The following FAAP20 variants were observed in gnomAD, a reference collection of about 807,000 sequenced individuals.
The protein encoded by FAAP20 is FA core complex associated protein 20, also known as Fanconi anemia core complex-associated protein 20.
FAAP20 carries 12 observed loss-of-function variants against 16.2 expected under a neutral mutation model. The observed-to-expected ratio is 0.74, with a 90% CI of 0.48 to 1.20. The LOEUF is 1.20. Ranked by LOEUF, FAAP20 falls within the 50% of genes most tolerant of loss-of-function variation. The probability of loss-of-function intolerance (pLI) is 0.00; values close to 1 mark genes in which losing one functional copy is unlikely to be tolerated. For synonymous variants in FAAP20, 141 were observed against 110.7 expected (o/e 1.27, Z -1.72); for missense variants, 288 against 245.8 (o/e 1.17, Z -1.15).
chr1:2,186,223 C>T (rs769503963), downstream of FAAP20: 13 of 312,644 alleles, frequency 4.2e-5, no homozygotes, highest in African/African-American at 2.0e-4. Context: ...ACTCAGGGGC[C>T]GCTCCACCCC....
chr1:2,202,850 C>T (rs1271961950), upstream of FAAP20, among the ~76,000 whole-genome samples: 1 of 152,208 alleles, frequency 6.6e-6, no homozygotes, highest in Non-Finnish European at 1.5e-5. Flanking sequence ...CTCCTGGCCT[C>T]AAGCAATCCT....
chr1:2,201,850 T>C (rs1284358781), upstream of FAAP20, among the ~76,000 whole-genome samples: 1 of 151,542 alleles, frequency 6.6e-6, no homozygotes, highest in Non-Finnish European at 1.5e-5. Flanking sequence ...ACCCTGTTTC[T>C]ACTAAAAATA....
chr1:2,188,129 T>C (rs1041950549), downstream of FAAP20, among the ~76,000 whole-genome samples: 2 of 152,136 alleles, frequency 1.3e-5, no homozygotes, highest in African/African-American at 4.8e-5. Flanking sequence ...CCCAGATCTG[T>C]TCCCTCAGCC....
At chr1:2,208,002 G>A (rs1473766163), downstream of FAAP20, among the ~76,000 whole-genome samples, 12 of 152,140 alleles carry the variant, frequency 7.9e-5, no homozygotes, top group Admixed American at 5.2e-4. Context: ...GTGTGTGCCC[G>A]CGTGCCTGCA....
chr1:2,202,061 C>A (rs1033943696), upstream of FAAP20, among the ~76,000 whole-genome samples: 4 of 151,800 alleles, frequency 2.6e-5, no homozygotes, highest in Non-Finnish European at 4.4e-5. Context: ...GAAAAAGTGG[C>A]CTGAAAGTTA....
downstream of FAAP20, chr1:2,185,232 G>T (rs1687402109): frequency 1.4e-6 from 1 of 709,164 alleles, no homozygotes; most frequent in Non-Finnish European, 2.6e-6. Context: ...ACTTGCTGCT[G>T]TGCCTGCGTC....
downstream of FAAP20, chr1:2,186,291 T>TGCCGC: frequency 4.0e-6 from 1 of 250,584 alleles, no homozygotes; most frequent in Non-Finnish European, 8.3e-6. Context: ...AGGAGGTCTG[T>TGCCGC]GCCGCGCCTT....
chr1:2,195,980 G>T (rs2100712914), upstream of FAAP20, among the ~76,000 whole-genome samples: 1 of 152,298 alleles, frequency 6.6e-6, no homozygotes, highest in South Asian at 2.1e-4. Flanking sequence ...GGGGCCTGGG[G>T]GAGCTGCTGC....
At position 2,205,938 on chromosome 1, in the gene FAAP20, T is replaced by C. The variant is rs114899272; in HGVS notation, n.451+367A>G. Among the ~76,000 whole-genome samples the C allele has an allele frequency of 9.7e-3, 1,485 of 152,374 alleles. 17 individuals are homozygous for C. Among genetic ancestry groups the C allele is most frequent in the African/African-American group, 0.034 (1,412 of 41,584 alleles). ...AAGCCTTAAAAGGTCTTCATTCCTTTTCGGTCTGATCTGAGAGCCGAGCTC... is the reference window on the plus strand; with the variant it reads ...AAGCCTTAAAAGGTCTTCATTCCTTCTCGGTCTGATCTGAGAGCCGAGCTC... On this transcript the variant is annotated intron_variant and non_coding_transcript_variant, in intron 3 of 7. Coordinates refer to the FAAP20 transcript ENST00000469733.
upstream of FAAP20, among the ~76,000 whole-genome samples, chr1:2,196,433 C>A (rs1367336920): frequency 6.6e-6 from 1 of 151,746 alleles, no homozygotes; most frequent in Non-Finnish European, 1.5e-5. This position sits in a 1 kb window ranked among gnomAD's most constrained non-coding sequence, Gnocchi z 4.5. Context: ...TGGCATGTGC[C>A]TGTGGTCCCA....
At chr1:2,197,708 C>G (rs1244947650), upstream of FAAP20, among the ~76,000 whole-genome samples, 1 of 152,246 alleles carries the variant, frequency 6.6e-6, no homozygotes, top group Non-Finnish European at 1.5e-5. Context: ...GGGGCTCTTC[C>G]CCTCCAGTTT....
At chr1:2,185,148 C>T (rs1045105705), downstream of FAAP20, 11 of 831,226 alleles carry the variant, frequency 1.3e-5, no homozygotes, top group Admixed American at 1.9e-4. Flanking sequence ...CAGAGGGAAG[C>T]GTCAGCGGGC....
chr1:2,187,389 C>T (rs1572091048), downstream of FAAP20, among the ~76,000 whole-genome samples: 1 of 151,720 alleles, frequency 6.6e-6, no homozygotes, highest in African/African-American at 2.4e-5. Flanking sequence ...ACTGCAACCT[C>T]CACCTCCCGG....
In FAAP20 at chr1:2,193,827, CAGGTCCGGCGGAAAG is replaced by C. The variant is rs1688537403; in HGVS notation, c.267_281del (p.Phe90_Leu94del). 6.2e-7 allele frequency: 1 copy of C among 1,610,968 alleles called. No homozygotes were observed. The highest frequency in any genetic ancestry group is 1.3e-5 in the African/African-American group (1 of 74,778). ...GCCGGTAGGAACGGCCCGGGCCCCACAGGTCCGGCGGAAAGGGTGTCCAGGAAAAGGTCTTGGGTC... is the reference window on the plus strand; with the variant it reads ...GCCGGTAGGAACGGCCCGGGCCCCACGGTGTCCAGGAAAAGGTCTTGGGTC... On this transcript the variant is annotated inframe_deletion, in exon 3 of 4. Transcript: ENST00000378546.
upstream of FAAP20, among the ~76,000 whole-genome samples, chr1:2,202,994 C>T (rs570515532): frequency 4.8e-4 from 73 of 152,310 alleles, 3 homozygotes; most frequent in South Asian, 0.012. Flanking sequence ...TGGGAGCCGT[C>T]CTCCCAGCCA....
downstream of FAAP20, among the ~76,000 whole-genome samples, chr1:2,189,331 C>CAA (rs71578369): frequency 3.5e-4 from 34 of 97,962 alleles, no homozygotes; most frequent in East Asian, 1.3e-3. Context: ...GACCCTGTCT[C>CAA]AAAAAAAAAA....
At chr1:2,197,972 A>G (rs767353061), upstream of FAAP20, 20 of 1,276,294 alleles carry the variant, frequency 1.6e-5, no homozygotes, top group Non-Finnish European at 1.7e-5. Context: ...AAGACTCTCA[A>G]GACAAGGAAG....
upstream of FAAP20, chr1:2,200,492 C>T (rs1008753765): frequency 7.6e-5 from 26 of 342,464 alleles, no homozygotes; most frequent in African/African-American, 3.8e-4. Flanking sequence ...CAGGGAATGC[C>T]GGGGGCCCGG....
chr1:2,205,253 C>G (rs559958687), intron 3 of FAAP20, among the ~76,000 whole-genome samples: 18 of 110,036 alleles, frequency 1.6e-4, no homozygotes, highest in Middle Eastern at 8.8e-3. Flanking sequence ...CTCCCAGTGC[C>G]ACCGTCCTTC....
Sources: gnomAD v4.1 joint callset for allele counts (sites outside exome capture counted in the v4.1 genomes callset) on GRCh38, gnomAD v4.1.1 for gene constraint, Gnocchi (gnomAD v3.1) non-coding constraint, MANE v1.5 for transcripts, NCBI Gene and HGNC (gene_info 2026-07-23, HGNC 2026-07-21) for gene names.